The following TENM2 variants were observed in gnomAD, a reference collection of about 807,000 sequenced individuals.
TENM2 encodes the protein teneurin-2.
In TENM2, 52 loss-of-function variants were observed where a neutral mutation model predicts 245.2. That is an observed-to-expected ratio of 0.21 (90% CI 0.17 to 0.27). The LOEUF is 0.27. TENM2 is among the 10% of genes least tolerant of loss of function. TENM2 has a pLI of 1.00. For missense variants in TENM2, 3,046 were observed against 3,666.8 expected, an observed-to-expected ratio of 0.83 and a Z score of 4.37; for synonymous variants, 1,363 against 1,438.9, an observed-to-expected ratio of 0.95 and a Z score of 1.19.
At chr5:168,077,142 C>T (rs894540622) in intron 7 of TENM2, among the ~76,000 whole-genome samples, 1 of 152,056 alleles carries the variant, frequency 6.6e-6, no homozygotes, top group South Asian at 2.1e-4. Context: ...CGTGCCTGGC[C>T]TCATTAAATG....
Position 168,172,668 on chromosome 5 carries a change from G to A in TENM2, c.2569+9911G>A, listed in dbSNP as rs192291206. 1.2e-4 allele frequency among the ~76,000 whole-genome samples: 18 copies of A among 152,262 alleles called. No homozygotes were observed. In the East Asian group the frequency reaches 2.9e-3, roughly 24 times the overall value. ...AACAACCTCCGCCCCTCAGAAACAC[G>A]AATTTTGCAGCATGCTTAAAAATAC... On this transcript the variant is annotated intron_variant, in intron 13 of 28. Coordinates refer to ENST00000518659, the Ensembl canonical transcript of TENM2.
intron 5 of TENM2, among the ~76,000 whole-genome samples, chr5:168,018,185 T>C (rs1785825259): frequency 1.3e-5 from 2 of 152,158 alleles, no homozygotes; most frequent in Admixed American, 6.6e-5. Context: ...CACTAATCTT[T>C]CTCTCTTTCC....
chr5:167,114,302 G>A, the TENM2 span, among the ~76,000 whole-genome samples: 2 of 152,028 alleles, frequency 1.3e-5, no homozygotes, highest in Non-Finnish European at 2.9e-5. Context: ...TTAAAAACAT[G>A]GCTTTAAATT....
chr5:167,408,912 A>G (rs1236999357), intron 2 of TENM2, among the ~76,000 whole-genome samples: 2 of 150,472 alleles, frequency 1.3e-5, no homozygotes, highest in Non-Finnish European at 3.0e-5. Context: ...TTAGACCTGT[A>G]TGCTTTCCAT....
At chr5:167,345,329 A>T (rs917801272) in intron 1 of TENM2, among the ~76,000 whole-genome samples, 3 of 152,192 alleles carry the variant, frequency 2.0e-5, no homozygotes, top group African/African-American at 7.2e-5. Context: ...CTTGTGGCTG[A>T]GCGCAAGGAA....
At chr5:167,907,692 C>T (rs1399842064) in intron 3 of TENM2, among the ~76,000 whole-genome samples, 1 of 149,718 alleles carries the variant, frequency 6.7e-6, no homozygotes, top group Non-Finnish European at 1.5e-5. Context: ...TGCTTGAGGC[C>T]AGGAGTTCAA....
rs1446827644 is a variant in TENM2, at chr5:167,859,088, T to A, written c.503-16898T>A. Among the ~76,000 whole-genome samples the A allele has an allele frequency of 8.2e-4, 100 of 121,360 alleles. No individual in the cohort carries two copies. The Middle Eastern group carries it at 0.022, about 26-fold the overall frequency. The allele number at this position is 121,360 out of a possible 152,430, so 79.6% of individuals were successfully genotyped here. On this transcript the variant is annotated intron_variant, in intron 2 of 28. Coordinates refer to ENST00000518659, the Ensembl canonical transcript of TENM2. ...AGGAGCGTCTCTGCCCGGCCGCCCA[T>A]CGTCTGAGATGTGGGGAGCGCCTCT... is the stretch of plus-strand genomic sequence containing the variant.
chr5:167,417,368 G>A (rs563601013), intron 2 of TENM2, among the ~76,000 whole-genome samples: 1 of 152,238 alleles, frequency 6.6e-6, no homozygotes, highest in African/African-American at 2.4e-5. Flanking sequence ...CCATCTCTCT[G>A]CCATCTCTTC....
intron 3 of TENM2, among the ~76,000 whole-genome samples, chr5:167,931,648 A>G (rs1778300790): frequency 6.6e-6 from 1 of 152,086 alleles, no homozygotes; most frequent in South Asian, 2.1e-4. Flanking sequence ...TGCCTTTAAA[A>G]GTAATTGATT....
At chr5:167,003,993 T>A in the TENM2 span, among the ~76,000 whole-genome samples, 72 of 152,322 alleles carry the variant, frequency 4.7e-4, no homozygotes, top group African/African-American at 1.7e-3. Flanking sequence ...TGATTCCGAG[T>A]CAATTCCTTT....
intron 2 of TENM2, among the ~76,000 whole-genome samples, chr5:167,807,277 G>A (rs184338578): frequency 6.6e-6 from 1 of 151,846 alleles, no homozygotes; most frequent in Admixed American, 6.6e-5. Context: ...CACTTCCCCA[G>A]TGTTCTAATA....
intron 3 of TENM2, among the ~76,000 whole-genome samples, chr5:167,952,215 G>C (rs1347074324): frequency 1.3e-5 from 2 of 152,196 alleles, no homozygotes; most frequent in Admixed American, 6.5e-5. Context: ...AATGTGTGCA[G>C]TATACCAGTT....
At chr5:167,970,100 C>T (rs533785632) in intron 4 of TENM2, among the ~76,000 whole-genome samples, 2 of 152,218 alleles carry the variant, frequency 1.3e-5, no homozygotes, top group East Asian at 1.9e-4. Context: ...GACACAGTCC[C>T]GGCCAGGGTG....
At chr5:167,983,691 G>A (rs1306063024) in intron 4 of TENM2, among the ~76,000 whole-genome samples, 6 of 152,210 alleles carry the variant, frequency 3.9e-5, no homozygotes, top group Non-Finnish European at 5.9e-5. Flanking sequence ...GAGAAGTAAC[G>A]ATTTTAAAAA....
At chr5:167,374,968 A>G (rs1760657433) in intron 1 of TENM2, among the ~76,000 whole-genome samples, 2 of 152,158 alleles carry the variant, frequency 1.3e-5, no homozygotes, top group Non-Finnish European at 2.9e-5. Context: ...CTCTGAAATA[A>G]AATCTGAGCA....
At chr5:168,080,250 T>C (rs1203816393) in intron 7 of TENM2, among the ~76,000 whole-genome samples, 2 of 152,218 alleles carry the variant, frequency 1.3e-5, no homozygotes, top group African/African-American at 2.4e-5. Context: ...GATGGTAGTT[T>C]GTATTTCTGT....
chr5:167,954,545 C>A (rs939093512), intron 4 of TENM2, among the ~76,000 whole-genome samples: 1 of 152,106 alleles, frequency 6.6e-6, no homozygotes, highest in Non-Finnish European at 1.5e-5. Flanking sequence ...TATAAACATG[C>A]CATGGTGGTT....
At chr5:167,743,250 C>T (rs1274972898) in intron 2 of TENM2, among the ~76,000 whole-genome samples, 6 of 152,108 alleles carry the variant, frequency 3.9e-5, no homozygotes, top group African/African-American at 1.4e-4. Context: ...TAATGTCTCC[C>T]CGCATGAAAC....
At chr5:167,057,112 T>C in the TENM2 span, among the ~76,000 whole-genome samples, 1 of 152,192 alleles carries the variant, frequency 6.6e-6, no homozygotes, top group Non-Finnish European at 1.5e-5. Flanking sequence ...GTGTCCAGTC[T>C]ACTAATGGGC....
Sources: gnomAD v4.1 joint callset for allele counts (sites outside exome capture counted in the v4.1 genomes callset) on GRCh38, gnomAD v4.1.1 for gene constraint, MANE v1.5 for transcripts, NCBI Gene and HGNC (gene_info 2026-07-23, HGNC 2026-07-21) for gene names.